DDI2: variants seen among roughly 807,000 people sequenced by gnomAD.
DDI2 encodes DDI proteasomal shuttling factor 2, also known as protein DDI1 homolog 2.
DDI2 carries 5 observed loss-of-function variants against 48.1 expected under a neutral mutation model. That is an observed-to-expected ratio of 0.10 (90% CI 0.05 to 0.22). The LOEUF is 0.22. DDI2 is among the 10% of genes least tolerant of loss of function. DDI2 has a pLI of 1.00. For missense variants in DDI2, 285 were observed against 506.2 expected, an observed-to-expected ratio of 0.56 and a Z score of 4.19; for synonymous variants, 205 against 183.6, an observed-to-expected ratio of 1.12 and a Z score of -0.94.
Position 15,668,204 on chromosome 1 carries a change from G to A in DDI2, c.*8414G>A, listed in dbSNP as rs1312866152. 2.6e-5 allele frequency: 4 copies of A among 152,074 alleles called. No individual in the cohort carries two copies. The highest frequency in any genetic ancestry group is 9.7e-5 in the African/African-American group (4 of 41,386). 9.4% of individuals were successfully genotyped at this position (152,074 alleles called of 1,614,324 possible). A position where few individuals can be genotyped will look rare whatever the true frequency, so the allele number is the denominator to read the frequency against. On this transcript the variant is annotated 3_prime_UTR_variant, in exon 10 of 10. Coordinates refer to ENST00000480945, the MANE Select transcript of DDI2 (RefSeq NM_032341.5). Reference sequence around the variant, plus strand: ...ACAACCCTGAATGAATGTGTCTATGGCCTAAAAATGGTAGACCTGTATTTC... The same window carrying A: ...ACAACCCTGAATGAATGTGTCTATGACCTAAAAATGGTAGACCTGTATTTC...
At chr1:15,652,057 C>CGTTTTTTTTTTTTTTTTTTT (rs1640192855) in intron 8 of DDI2, among the ~76,000 whole-genome samples, 162 bp downstream of exon 8, 1 of 119,130 alleles carries the variant, frequency 8.4e-6, no homozygotes, top group African/African-American at 4.7e-5. Context: ...CTTTGATCTT[C>CGTTTTTTTTTTTTTTTTTTT]CTTTTTTTTT....
In DDI2 at chr1:15,660,590, G is replaced by T; in HGVS notation, c.*800G>T. 1 of 1,613,980 alleles carries T rather than the reference G, an allele frequency of 6.2e-7. No homozygotes were observed. On this transcript the variant is annotated 3_prime_UTR_variant, in exon 10 of 10. Coordinates refer to ENST00000480945, the MANE Select transcript of DDI2 (RefSeq NM_032341.5). ...AGTATTCCATCTTCAGAATGCAGTG[G>T]CTGCTCAAATTCAGAAACATTTATG...
At chr1:15,639,331 G>T (rs1639971290) in intron 5 of DDI2, among the ~76,000 whole-genome samples, 1 of 152,102 alleles carries the variant, frequency 6.6e-6, no homozygotes, top group Non-Finnish European at 1.5e-5. Flanking sequence ...TGTAAGATAG[G>T]TGAGTTCCTA....
At chr1:15,631,079 G>A (rs1171591171) in intron 3 of DDI2, among the ~76,000 whole-genome samples, 4 of 152,122 alleles carry the variant, frequency 2.6e-5, no homozygotes, top group Admixed American at 1.3e-4. Flanking sequence ...TCCTGACCTC[G>A]TGATCCGCCT....
rs74057717 is a variant in DDI2, at chr1:15,632,683, G to A, written c.506-756G>A. On this transcript the variant is annotated intron_variant, in intron 3 of 9. Coordinates refer to ENST00000480945, the MANE Select transcript of DDI2 (RefSeq NM_032341.5). The stretch of plus-strand genomic sequence containing the variant: ...AAATAGTTTATACTTAATGTATCTG[G>A]CTTAAGGCAGGGCATGTTATAAAAG... Among the ~76,000 whole-genome samples, 1,106 of 152,086 alleles carry A rather than the reference G, an allele frequency of 7.3e-3. 15 individuals carry two copies. The highest frequency in any genetic ancestry group is 0.025 in the African/African-American group (1,044 of 41,470).
chr1:15,630,908 A>G (rs770731422), intron 3 of DDI2, among the ~76,000 whole-genome samples: 1 of 152,124 alleles, frequency 6.6e-6, no homozygotes. Flanking sequence ...TAGTGGTGCA[A>G]TCTTGGCTCA....
rs1234998317 is a variant in DDI2, at chr1:15,651,789, A to G, written c.1077A>G (p.Pro359=). 2 of 1,614,006 alleles carry G rather than the reference A, an allele frequency of 1.2e-6. No homozygotes were observed. The highest frequency in any genetic ancestry group is 2.2e-5 in the South Asian group (2 of 91,078). The change falls in exon 8 of 10, where the codon CCA becomes CCG. Residue 359 remains proline, a synonymous_variant. Transcript: ENST00000480945. ...QTTFLPEGEL[P]ECARLAYGAG... ...CCTTTCTTCCTGAGGGAGAGCTACC[A>G]GAGTGTGCCCGGTTGGCATATGGGG...
intron 9 of DDI2, 115 bp downstream of exon 9, chr1:15,656,794 A>T: frequency 6.8e-7 from 1 of 1,477,152 alleles, no homozygotes; most frequent in Non-Finnish European, 9.3e-7. Flanking sequence ...CACCTTGTTC[A>T]ATCTGGTTAC....
intron 1 of DDI2, among the ~76,000 whole-genome samples, chr1:15,621,100 C>G (rs763043480): frequency 2.0e-5 from 3 of 152,286 alleles, no homozygotes; most frequent in Middle Eastern, 6.8e-3. Context: ...TAAAGCTGGG[C>G]ATGTTCTGTC....
chr1:15,660,551 C>G lies in DDI2; in HGVS notation c.*761C>G. The G allele has an allele frequency of 6.2e-7, 1 of 1,613,212 alleles. No homozygotes were observed. The highest frequency in any genetic ancestry group is 8.5e-7 in the Non-Finnish European group (1 of 1,179,742). On this transcript the variant is annotated 3_prime_UTR_variant, in exon 10 of 10. Transcript: ENST00000480945. ...GGGCTCCCACAGAATGTGGATCCTC[C>G]AAGTGCGAAGAAAAGTATTCCATCT...
intron 9 of DDI2, chr1:15,657,011 A>G (rs115621697): frequency 2.2e-3 from 410 of 187,330 alleles, no homozygotes; most frequent in African/African-American, 8.7e-3. Flanking sequence ...GGAGATAACT[A>G]TGCTTTCATG....
chr1:15,653,138 G>GT (rs1259970773), intron 8 of DDI2, among the ~76,000 whole-genome samples: 2 of 151,872 alleles, frequency 1.3e-5, no homozygotes, highest in Admixed American at 1.3e-4. Context: ...TTTTTAGGAA[G>GT]TTTTTTTTGG....
rs1640398964 is a variant in DDI2 at position 15,662,561 on chromosome 1, TGCTAG to T, written c.*2772_*2776del. ...AAATAATGGCCTAAACACTGGAATT[TGCTAG>T]AGTTTGGGTTTGCTAGCATCTCACT... On this transcript the variant is annotated 3_prime_UTR_variant, in exon 10 of 10. Coordinates refer to ENST00000480945, the MANE Select transcript of DDI2 (RefSeq NM_032341.5). 1 of 152,218 alleles carries T rather than the reference TGCTAG, an allele frequency of 6.6e-6. No homozygotes were observed. Among genetic ancestry groups the T allele is most frequent in the Non-Finnish European group, 1.5e-5 (1 of 68,040 alleles). The allele number at this position is 152,218 out of a possible 1,614,324, so 9.4% of individuals were successfully genotyped here.
At position 15,665,957 on chromosome 1, in the gene DDI2, T is replaced by G. The variant is rs559619323; in HGVS notation, c.*6167T>G. On this transcript the variant is annotated 3_prime_UTR_variant, in exon 10 of 10. Coordinates refer to ENST00000480945, the MANE Select transcript of DDI2 (RefSeq NM_032341.5). ...ACTCACCAAAAAGCCAAATTTCCCCTTTGGAGTTGGTGACTTAGTGTAGTC... is the reference window on the plus strand; with the variant it reads ...ACTCACCAAAAAGCCAAATTTCCCCGTTGGAGTTGGTGACTTAGTGTAGTC... 6.7e-6 allele frequency: 1 copy of G among 148,762 alleles called. No individual in the cohort carries two copies. The highest frequency in any genetic ancestry group is 2.1e-4 in the South Asian group (1 of 4,776). 9.2% of individuals were successfully genotyped at this position (148,762 alleles called of 1,614,324 possible). A position where few individuals can be genotyped will look rare whatever the true frequency, so the allele number is the denominator to read the frequency against.
chr1:15,623,840 C>T lies in DDI2; in HGVS notation c.139-2829C>T, dbSNP rs890522746. Reference sequence around the variant, plus strand: ...CTTTAGGAGGCCAAGGCGGGCAGATCACAAGGTTAGGAGATCGAGACCATC... The same window carrying T: ...CTTTAGGAGGCCAAGGCGGGCAGATTACAAGGTTAGGAGATCGAGACCATC... On this transcript the variant is annotated intron_variant, in intron 1 of 9. Coordinates refer to ENST00000480945, the MANE Select transcript of DDI2 (RefSeq NM_032341.5). Among the ~76,000 whole-genome samples, 17 of 152,098 alleles carry T rather than the reference C, an allele frequency of 1.1e-4. No individual in the cohort carries two copies. In the East Asian group the frequency reaches 3.1e-3, roughly 28 times the overall value.
Position 15,668,549 on chromosome 1 carries a change from G to A in DDI2, c.*8759G>A, listed in dbSNP as rs1396450438. 10 of 152,140 alleles carry A rather than the reference G, an allele frequency of 6.6e-5. No homozygotes were observed. The highest frequency in any genetic ancestry group is 1.3e-4 in the Non-Finnish European group (9 of 68,018). The allele number at this position is 152,140 out of a possible 1,614,324, so 9.4% of individuals were successfully genotyped here. A position where few individuals can be genotyped will look rare whatever the true frequency, so the allele number is the denominator to read the frequency against. On this transcript the variant is annotated 3_prime_UTR_variant, in exon 10 of 10. Transcript: ENST00000480945. ...GCTAATGGACTTTGCACTCAAGAAA[G>A]GTTTGTTTACCAGTTTTGTAGCCAT...
At chr1:15,628,951 A>G (rs1639801809) in intron 2 of DDI2, among the ~76,000 whole-genome samples, 2 of 152,200 alleles carry the variant, frequency 1.3e-5, no homozygotes, top group Non-Finnish European at 2.9e-5. Context: ...AAATGGGGTC[A>G]TACAATATGT....
chr1:15,659,975 C>T lies in DDI2; in HGVS notation c.*185C>T. 1.9e-6 allele frequency: 3 copies of T among 1,614,210 alleles called. No individual in the cohort carries two copies. The highest frequency in any genetic ancestry group is 2.5e-6 in the Non-Finnish European group (3 of 1,180,044). On this transcript the variant is annotated 3_prime_UTR_variant, in exon 10 of 10. Transcript: ENST00000480945. ...AGTCTTGCTCGCTCTGTCTCTGCTTCAGTCTGCCCTATCAAGCCCAGTGAC... is the reference window on the plus strand; with the variant it reads ...AGTCTTGCTCGCTCTGTCTCTGCTTTAGTCTGCCCTATCAAGCCCAGTGAC...
chr1:15,635,033 G>A (rs1460194610), intron 4 of DDI2, among the ~76,000 whole-genome samples: 1 of 152,086 alleles, frequency 6.6e-6, no homozygotes, highest in Non-Finnish European at 1.5e-5. Context: ...TTTGAGGCCA[G>A]CCTGGGCAGC....
Sources: gnomAD v4.1 joint callset for allele counts (sites outside exome capture counted in the v4.1 genomes callset) on GRCh38, gnomAD v4.1.1 for gene constraint, MANE v1.5 for transcripts, NCBI Gene and HGNC (gene_info 2026-07-23, HGNC 2026-07-21) for gene names.